AAK1: variants seen among roughly 807,000 people sequenced by gnomAD.
AAK1 encodes AP2 associated kinase 1, also known as AP2-associated protein kinase 1.
In AAK1, 37 loss-of-function variants were observed where a neutral mutation model predicts 116.0. That is an observed-to-expected ratio of 0.32 (90% CI 0.25 to 0.42). The LOEUF (loss-of-function observed/expected upper bound fraction) is 0.42, where lower values mean the gene tolerates loss of function less well. Ranked by LOEUF, AAK1 falls within the 10% of genes least tolerant of loss-of-function variation. The probability of loss-of-function intolerance (pLI) is 1.00; values close to 1 mark genes in which losing one functional copy is unlikely to be tolerated. For synonymous variants in AAK1, 458 were observed against 439.9 expected, an observed-to-expected ratio of 1.04 and a Z score of -0.51; for missense variants, 919 against 1,170.6, an observed-to-expected ratio of 0.79 and a Z score of 3.14.
intron 4 of AAK1, among the ~76,000 whole-genome samples, chr2:69,543,401 T>C (rs749283751): frequency 3.8e-4 from 58 of 152,128 alleles, no homozygotes; most frequent in Non-Finnish European, 7.1e-4. Context: ...ACATATTTAA[T>C]TTATGGATAG....
intron 16 of AAK1, among the ~76,000 whole-genome samples, chr2:69,499,498 T>C (rs1675887977): frequency 6.6e-6 from 1 of 152,194 alleles, no homozygotes; most frequent in Admixed American, 6.5e-5. Context: ...ACCACTGCAA[T>C]CATGATACAG....
intron 2 of AAK1, among the ~76,000 whole-genome samples, chr2:69,629,523 T>C (rs1232359417): frequency 2.0e-5 from 3 of 152,252 alleles, no homozygotes; most frequent in Admixed American, 2.0e-4. Flanking sequence ...CTTTGGATTT[T>C]GTTATTTCTC....
chr2:69,620,836 G>A (rs1674585002), intron 2 of AAK1, among the ~76,000 whole-genome samples: 1 of 152,140 alleles, frequency 6.6e-6, no homozygotes, highest in African/African-American at 2.4e-5. Context: ...CTAGTGATTT[G>A]CAAACTTGAA....
rs1674492294 is a variant in AAK1 at position 69,619,529 on chromosome 2, G to A, written c.163+23349C>T. 2.0e-5 allele frequency among the ~76,000 whole-genome samples: 3 copies of A among 152,110 alleles called. No homozygotes were observed. In the South Asian group the frequency reaches 6.2e-4, roughly 32 times the overall value. On this transcript the variant is annotated intron_variant, in intron 2 of 21. Transcript: ENST00000409085. ...ATGAGAGCCATGGTTCTAGGCCTGT[G>A]AATAAAACAGAAAAGCTCATAAAGC...
At chr2:69,614,065 A>G (rs1373639987) in intron 2 of AAK1, among the ~76,000 whole-genome samples, 1 of 152,172 alleles carries the variant, frequency 6.6e-6, no homozygotes, top group South Asian at 2.1e-4. Flanking sequence ...TGTGGAAAAA[A>G]CTTAGATTTG....
intron 5 of AAK1, among the ~76,000 whole-genome samples, chr2:69,541,160 G>A (rs926504649): frequency 6.6e-6 from 1 of 151,818 alleles, no homozygotes; most frequent in Non-Finnish European, 1.5e-5. Flanking sequence ...GAAATGTTCT[G>A]GAATTAGATA....
chr2:69,484,430 G>A lies in AAK1; in HGVS notation c.2366-1618C>T, dbSNP rs1437497292. Among the ~76,000 whole-genome samples the A allele has an allele frequency of 3.3e-5, 5 of 152,100 alleles. No homozygotes were observed. The East Asian group carries it at 5.8e-4, about 18-fold the overall frequency. Reference sequence around the variant, plus strand: ...CCAATTCACCATCTCTGGAGTCTACGGAATGCAGATAACTTTGAATTAAAT... The same window carrying A: ...CCAATTCACCATCTCTGGAGTCTACAGAATGCAGATAACTTTGAATTAAAT... On this transcript the variant is annotated intron_variant, in intron 17 of 21. Coordinates refer to ENST00000409085, the MANE Select transcript of AAK1 (RefSeq NM_014911.5).
intron 16 of AAK1, 86 bp from the exon 17 acceptor site, chr2:69,496,166 C>CCT (rs1409647446): frequency 2.8e-5 from 27 of 948,590 alleles, no homozygotes; most frequent in Non-Finnish European, 4.4e-5. Flanking sequence ...GTAAGTTTAC[C>CCT]CTCTATTAAT....
At chr2:69,539,805 CACTT>C (rs1289380429) in intron 5 of AAK1, among the ~76,000 whole-genome samples, 4 of 152,252 alleles carry the variant, frequency 2.6e-5, no homozygotes, top group African/African-American at 7.2e-5. Flanking sequence ...TCTCTGTGAC[CACTT>C]ACTTCCTATC....
chr2:69,497,874 C>G (rs1374066632), intron 16 of AAK1, among the ~76,000 whole-genome samples: 1 of 152,154 alleles, frequency 6.6e-6, no homozygotes, highest in Non-Finnish European at 1.5e-5. Flanking sequence ...TACCGCGGCC[C>G]TAGGCTCCTC....
At chr2:69,586,576 G>C (rs1672775622) in intron 2 of AAK1, among the ~76,000 whole-genome samples, 1 of 152,130 alleles carries the variant, frequency 6.6e-6, no homozygotes, top group Non-Finnish European at 1.5e-5. Flanking sequence ...ATTTTTCTTT[G>C]CATTGTCTGA....
intron 2 of AAK1, among the ~76,000 whole-genome samples, chr2:69,604,759 C>T (rs1252739278): frequency 6.6e-6 from 1 of 152,140 alleles, no homozygotes; most frequent in Non-Finnish European, 1.5e-5. Flanking sequence ...CTAGCTCTGG[C>T]ACTGCTTCTC....
chr2:69,463,379 A>T lies in AAK1; in HGVS notation c.*12490T>A, dbSNP rs1674390412. 1 of 152,214 alleles carries T rather than the reference A, an allele frequency of 6.6e-6. No homozygotes were observed. Among genetic ancestry groups the T allele is most frequent in the Admixed American group, 6.5e-5 (1 of 15,278 alleles). 9.4% of individuals were successfully genotyped at this position (152,214 alleles called of 1,614,324 possible). A position where few individuals can be genotyped will look rare whatever the true frequency, so the allele number is the denominator to read the frequency against. On this transcript the variant is annotated 3_prime_UTR_variant, in exon 22 of 22. Coordinates refer to ENST00000409085, the MANE Select transcript of AAK1 (RefSeq NM_014911.5). Reference sequence around the variant, plus strand: ...TTTTTATTATTATATTTTTGGAGACAGTGTCTCACTCTGTCACCCAGGCTG... The same window carrying T: ...TTTTTATTATTATATTTTTGGAGACTGTGTCTCACTCTGTCACCCAGGCTG...
chr2:69,473,301 A>T lies in AAK1; in HGVS notation c.*2568T>A, dbSNP rs1674741844. 2.0e-6 allele frequency: 2 copies of T among 983,958 alleles called. No individual in the cohort carries two copies. The highest frequency in any genetic ancestry group is 3.5e-5 in the African/African-American group (2 of 57,208). 61.0% of individuals were successfully genotyped at this position (983,958 alleles called of 1,614,324 possible). The stretch of plus-strand genomic sequence containing the variant: ...ATGGTGGACTAGAGGATGGTCTCAA[A>T]GGTCCCTTTGTAGCTCAGGCTATGA... On this transcript the variant is annotated 3_prime_UTR_variant, in exon 22 of 22. Transcript: ENST00000409085.
chr2:69,641,559 A>T (rs1339098871), intron 2 of AAK1, among the ~76,000 whole-genome samples: 1 of 152,130 alleles, frequency 6.6e-6, no homozygotes, highest in Non-Finnish European at 1.5e-5. Flanking sequence ...GATCTTTTTT[A>T]AAAATCATGT....
chr2:69,466,052 T>C lies in AAK1; in HGVS notation c.*9817A>G, dbSNP rs1029448331. The C allele has an allele frequency of 1.5e-6, 2 of 1,290,744 alleles. No homozygotes were observed. The highest frequency in any genetic ancestry group is 3.0e-5 in the African/African-American group (2 of 65,806). 80.0% of individuals were successfully genotyped at this position (1,290,744 alleles called of 1,614,324 possible). On this transcript the variant is annotated 3_prime_UTR_variant, in exon 22 of 22. Transcript: ENST00000409085. Reference sequence around the variant, plus strand: ...GAGCCATACTGCTCTTGGAGACAAATGGGGCTTTGGAGAAAATGTCCATGT... The same window carrying C: ...GAGCCATACTGCTCTTGGAGACAAACGGGGCTTTGGAGAAAATGTCCATGT...
In AAK1 at chr2:69,465,402, G is replaced by C; in HGVS notation, c.*10467C>G. ...TATTGAGGGTGGGATAGAGACAAGA[G>C]GCTTGAGGCTCAGGTTTTGCTCCTA... On this transcript the variant is annotated 3_prime_UTR_variant, in exon 22 of 22. Coordinates refer to ENST00000409085, the MANE Select transcript of AAK1 (RefSeq NM_014911.5). The C allele has an allele frequency of 1.6e-6, 2 of 1,266,492 alleles. No homozygotes were observed. Among genetic ancestry groups the C allele is most frequent in the Non-Finnish European group, 2.1e-6 (2 of 975,168 alleles). The allele number at this position is 1,266,492 out of a possible 1,614,324, so 78.5% of individuals were successfully genotyped here. A position where few individuals can be genotyped will look rare whatever the true frequency, so the allele number is the denominator to read the frequency against.
intron 13 of AAK1, among the ~76,000 whole-genome samples, chr2:69,509,904 G>C (rs938579766): frequency 6.6e-6 from 1 of 152,126 alleles, no homozygotes; most frequent in African/African-American, 2.4e-5. Context: ...CAATGAAGAC[G>C]TATCTCCAGC....
At position 69,562,735 on chromosome 2, in the gene AAK1, C is replaced by T. The variant is rs1462457478; in HGVS notation, c.164-5757G>A. ...TGAAACCCCGTCTCTACTAAAAATA[C>T]AAAAATTAGCCAGGCGTGGTGGTGT... On this transcript the variant is annotated intron_variant, in intron 2 of 21. Transcript: ENST00000409085. 3.3e-5 allele frequency among the ~76,000 whole-genome samples: 5 copies of T among 152,042 alleles called. No individual in the cohort carries two copies. The South Asian group carries it at 1.0e-3, about 32-fold the overall frequency.
Sources: allele counts gnomAD v4.1 joint callset (sites outside exome capture counted in the v4.1 genomes callset), GRCh38; gene constraint gnomAD v4.1.1; transcripts MANE v1.5; gene names NCBI Gene and HGNC (gene_info 2026-07-23, HGNC 2026-07-21).